The following ZRANB3 variants were observed in gnomAD, a reference collection of about 807,000 sequenced individuals.
ZRANB3 encodes the protein zinc finger RANBP2-type containing 3.
A neutral mutation model predicts 133.8 loss-of-function variants in ZRANB3; 125 were observed. That is an observed-to-expected ratio of 0.93 (90% confidence interval 0.81 to 1.08). The LOEUF (loss-of-function observed/expected upper bound fraction) is 1.08. Among genes scored for constraint, ZRANB3 ranks in the 50% least tolerant of loss-of-function variants. The pLI is 0.00. For synonymous variants in ZRANB3, 387 were observed against 432.7 expected (o/e 0.89, Z 1.31); for missense variants, 1,229 against 1,275.5 (o/e 0.96, Z 0.56).
intron 18 of ZRANB3, 60 bp from the exon 19 acceptor site, chr2:135,207,896 G>A: frequency 6.8e-7 from 1 of 1,480,148 alleles, no homozygotes; most frequent in Non-Finnish European, 9.1e-7. Flanking sequence ...AATAGTAATT[G>A]CTTCATATAA....
At chr2:135,494,159 A>AGGG (rs1692548475) in intron 2 of ZRANB3, among the ~76,000 whole-genome samples, 6 of 90,790 alleles carry the variant, frequency 6.6e-5, no homozygotes, top group African/African-American at 3.1e-4. Flanking sequence ...GGAAGGAAGG[A>AGGG]AGGAAGGGAG....
intron 3 of ZRANB3, among the ~76,000 whole-genome samples, chr2:135,368,049 T>C (rs955959744): frequency 2.0e-5 from 3 of 152,100 alleles, no homozygotes; most frequent in African/African-American, 7.2e-5. Flanking sequence ...GTCTGTCAAT[T>C]ATTACTTAAG....
chr2:135,469,885 G>A (rs1424607765), intron 2 of ZRANB3, among the ~76,000 whole-genome samples: 5 of 150,832 alleles, frequency 3.3e-5, no homozygotes, highest in Non-Finnish European at 5.9e-5. Flanking sequence ...GGTGGCGGGC[G>A]CCTGTAGTCC....
chr2:135,311,638 G>A (rs1008225459), intron 8 of ZRANB3, among the ~76,000 whole-genome samples: 2 of 151,838 alleles, frequency 1.3e-5, no homozygotes, highest in South Asian at 2.1e-4. Flanking sequence ...TAACCCCAGC[G>A]CTTTGGGAGG....
At chr2:135,213,165 C>T (rs959011591) in intron 17 of ZRANB3, among the ~76,000 whole-genome samples, 8 of 152,138 alleles carry the variant, frequency 5.3e-5, no homozygotes, top group East Asian at 1.9e-4. Context: ...AATCCTCTAA[C>T]GTCCTGCTTA....
chr2:135,318,212 T>TGTG (rs1683348621), intron 6 of ZRANB3, among the ~76,000 whole-genome samples: 1 of 136,886 alleles, frequency 7.3e-6, no homozygotes, highest in Non-Finnish European at 1.6e-5. Context: ...ACACACTATT[T>TGTG]TGTGTGTGTG....
chr2:135,231,039 T>C, intron 12 of ZRANB3, 112 bp from the exon 13 acceptor site: 2 of 949,770 alleles, frequency 2.1e-6, no homozygotes, highest in South Asian at 5.2e-5. Flanking sequence ...ATCCTTTAAA[T>C]ACCTTTTGGA....
intron 3 of ZRANB3, among the ~76,000 whole-genome samples, chr2:135,378,747 C>CA (rs1238619988): frequency 6.6e-6 from 1 of 151,972 alleles, no homozygotes. Context: ...GGTCTTCCCC[C>CA]AAAAAACATA....
At chr2:135,404,738 A>C (rs1687923191) in intron 2 of ZRANB3, among the ~76,000 whole-genome samples, 1 of 152,224 alleles carries the variant, frequency 6.6e-6, no homozygotes, top group Non-Finnish European at 1.5e-5. Flanking sequence ...AGCCCATTAG[A>C]CTAACGGCGG....
chr2:135,268,431 T>C (rs1680350462), intron 11 of ZRANB3, among the ~76,000 whole-genome samples: 1 of 152,196 alleles, frequency 6.6e-6, no homozygotes, highest in Non-Finnish European at 1.5e-5. Context: ...CCTCCCAAAG[T>C]GCTGGGATTA....
intron 1 of ZRANB3, among the ~76,000 whole-genome samples, chr2:135,518,237 C>T (rs1326576053): frequency 6.6e-6 from 1 of 152,066 alleles, no homozygotes; most frequent in African/African-American, 2.4e-5. Context: ...ACTTGGCTCC[C>T]TAGCTTCAGC....
rs1263752774 is a variant in ZRANB3 at position 135,197,310 on chromosome 2, T to C, written c.*3032A>G. On this transcript the variant is annotated 3_prime_UTR_variant, in exon 21 of 21. Transcript: ENST00000264159. ...ATTTACTGTAAAGAGCTCAAGAGCATTGACTTTTTTGTCTGTCATATAATT... is the reference window on the plus strand; with the variant it reads ...ATTTACTGTAAAGAGCTCAAGAGCACTGACTTTTTTGTCTGTCATATAATT... 2.0e-5 allele frequency: 3 copies of C among 152,246 alleles called. No homozygotes were observed. The highest frequency in any genetic ancestry group is 2.9e-5 in the Non-Finnish European group (2 of 68,046). The allele number at this position is 152,246 out of a possible 1,614,324, so 9.4% of individuals were successfully genotyped here.
At chr2:135,403,275 G>A (rs757890954) in intron 2 of ZRANB3, among the ~76,000 whole-genome samples, 2 of 152,110 alleles carry the variant, frequency 1.3e-5, no homozygotes, top group Non-Finnish European at 1.5e-5. Context: ...CTTTTCTAAC[G>A]GTCTTAGCAA....
intron 8 of ZRANB3, among the ~76,000 whole-genome samples, chr2:135,312,439 C>CA (rs988957000): frequency 6.6e-6 from 1 of 151,616 alleles, no homozygotes; most frequent in Admixed American, 6.6e-5. Context: ...AAGTATGTTA[C>CA]AAAAAAAATC....
At chr2:135,311,742 T>C (rs1682988028) in intron 8 of ZRANB3, among the ~76,000 whole-genome samples, 1 of 152,086 alleles carries the variant, frequency 6.6e-6, no homozygotes, top group African/African-American at 2.4e-5. Flanking sequence ...AGAGCAAGAC[T>C]CTGTCTCTCA....
chr2:135,266,034 T>C (rs1451643710), intron 11 of ZRANB3, among the ~76,000 whole-genome samples: 1 of 151,642 alleles, frequency 6.6e-6, no homozygotes, highest in Non-Finnish European at 1.5e-5. Flanking sequence ...CATGGTGAAA[T>C]CCCATCTCTA....
At chr2:135,488,855 G>A (rs1692244405) in intron 2 of ZRANB3, among the ~76,000 whole-genome samples, 1 of 149,850 alleles carries the variant, frequency 6.7e-6, no homozygotes, top group Non-Finnish European at 1.5e-5. Context: ...ATACTATATA[G>A]CATATATGTT....
At chr2:135,451,977 C>T (rs1690292262) in intron 2 of ZRANB3, among the ~76,000 whole-genome samples, 1 of 152,064 alleles carries the variant, frequency 6.6e-6, no homozygotes, top group Non-Finnish European at 1.5e-5. Flanking sequence ...CAAAATGAAA[C>T]AGAAGGGGGA....
At chr2:135,426,881 T>A (rs1366923316) in intron 2 of ZRANB3, among the ~76,000 whole-genome samples, 2 of 47,700 alleles carry the variant, frequency 4.2e-5, no homozygotes, top group Non-Finnish European at 3.3e-5. Flanking sequence ...TATATATATA[T>A]ATATATATAT....
Sources: allele counts gnomAD v4.1 joint callset (sites outside exome capture counted in the v4.1 genomes callset), GRCh38; gene constraint gnomAD v4.1.1; transcripts MANE v1.5; gene names NCBI Gene and HGNC (gene_info 2026-07-23, HGNC 2026-07-21).